Variants in A2ML1 observed in about 807,000 individuals in gnomAD.
The protein encoded by A2ML1 is alpha-2-macroglobulin like 1, also known as alpha-2-macroglobulin-like protein 1.
A neutral mutation model predicts 181.9 loss-of-function variants in A2ML1; 161 were observed. The observed-to-expected ratio is 0.89, with a 90% confidence interval of 0.78 to 1.01. The LOEUF (loss-of-function observed/expected upper bound fraction) is 1.01, where lower values mean the gene tolerates loss of function less well. A2ML1 is among the 50% of genes least tolerant of loss of function. The pLI, the probability that A2ML1 is intolerant of heterozygous loss-of-function variation, is 0.00. For synonymous variants in A2ML1, 663 were observed against 666.8 expected (o/e 0.99, Z 0.09); for missense variants, 1,670 against 1,768.1 (o/e 0.94, Z 1.00).
rs1943841149 is a variant in A2ML1, at chr12:8,850,192, T to C, written c.2152T>C (p.Ser718Pro). Residue 718 changes from serine (S) to proline (P), a missense_variant, in exon 18 of 36, where the codon TCA (serine) becomes CCA (proline). Ser to Pro is a moderately conservative substitution (Grantham distance 74). Transcript: ENST00000299698. ...GGGHPEAFES[S>P]TPLHQAEDSQ... is the part of the protein sequence containing the mutation. ...TGGTCATCCAGAGGCTTTTGAGTCATCAACTCCTTTACATCAAGCAGAGGA... is the reference window on the plus strand; with the variant it reads ...TGGTCATCCAGAGGCTTTTGAGTCACCAACTCCTTTACATCAAGCAGAGGA... 2.5e-6 allele frequency: 4 copies of C among 1,612,924 alleles called. No homozygotes were observed. The highest frequency in any genetic ancestry group is 3.4e-6 in the Non-Finnish European group (4 of 1,179,652).
intron 30 of A2ML1, 45 bp from the exon 31 acceptor site, chr12:8,868,185 A>G (rs1331180150): frequency 1.2e-6 from 2 of 1,612,270 alleles, no homozygotes; most frequent in Admixed American, 3.4e-5. Flanking sequence ...ACAATCTTTA[A>G]AGTTCTTTCC....
At chr12:8,873,250 T>C (rs984541278) in intron 33 of A2ML1, among the ~76,000 whole-genome samples, 1 of 151,906 alleles carries the variant, frequency 6.6e-6, no homozygotes, top group Non-Finnish European at 1.5e-5. Flanking sequence ...CGATTTTTTT[T>C]TTTTTTTGAG....
Position 8,857,199 on chromosome 12 carries a change from G to T in A2ML1, c.2884G>T (p.Gly962Cys), listed in dbSNP as rs1302126744. Residue 962 changes from glycine to cysteine, a missense_variant, in exon 24 of 36, where the codon GGT (glycine) becomes TGT (cysteine). Gly to Cys is a radical substitution (Grantham distance 159). Coordinates refer to ENST00000299698, the MANE Select transcript of A2ML1 (RefSeq NM_144670.6). ...GGGCACAGCCCTGCAGAACCTGGAT[G>T]GTCTGGTGCAGATGCCCAGTGGCTG... ...IMGTALQNLD[G>C]LVQMPSGCGE... is the part of the protein sequence containing the mutation. 2.5e-6 allele frequency: 4 copies of T among 1,612,632 alleles called. No homozygotes were observed. Among genetic ancestry groups the T allele is most frequent in the Admixed American group, 3.3e-5 (2 of 59,988 alleles).
rs756640163 is a variant in A2ML1 at position 8,823,208 on chromosome 12, G to A, written c.89G>A (p.Arg30Gln). ...AACTACCTGGTGACATTACCAGCCCGGCTAAATTTCCCCTCCGTTCAGAAG... is the reference window on the plus strand; with the variant it reads ...AACTACCTGGTGACATTACCAGCCCAGCTAAATTTCCCCTCCGTTCAGAAG... The part of the protein sequence containing the change: ...LPNYLVTLPA[R>Q]LNFPSVQKVC... The change falls in exon 2 of 36, where the codon CGG becomes CAG. Residue 30 changes from arginine to glutamine, a missense_variant. Arg to Gln is a conservative substitution (Grantham distance 43, BLOSUM62 1). Transcript: ENST00000299698. 3.9e-5 allele frequency: 63 copies of A among 1,613,712 alleles called. No homozygotes were observed. Among genetic ancestry groups the A allele is most frequent in the African/African-American group, 5.3e-5 (4 of 74,886 alleles).
At chr12:8,858,661 T>G (rs1944155721) in intron 26 of A2ML1, among the ~76,000 whole-genome samples, 1 of 152,122 alleles carries the variant, frequency 6.6e-6, no homozygotes, top group African/African-American at 2.4e-5. Context: ...TGGCATCACA[T>G]GGGAACTTGT....
intron 3 of A2ML1, among the ~76,000 whole-genome samples, chr12:8,824,234 T>G (rs1207052090): frequency 1.4e-5 from 2 of 147,976 alleles, no homozygotes; most frequent in African/African-American, 5.0e-5. Flanking sequence ...TTTTTTTTTT[T>G]TTTTTTTTTT....
At position 8,838,272 on chromosome 12, in the gene A2ML1, A is replaced by G. The variant is rs1943352214; in HGVS notation, c.856-64A>G. 3 of 1,140,042 alleles carry G rather than the reference A, an allele frequency of 2.6e-6. No individual in the cohort carries two copies. In the East Asian group the frequency reaches 7.2e-5, roughly 27 times the overall value. The allele number at this position is 1,140,042 out of a possible 1,614,324, so 70.6% of individuals were successfully genotyped here. On this transcript the variant is annotated intron_variant, in intron 8 of 35. Coordinates refer to ENST00000299698, the MANE Select transcript of A2ML1 (RefSeq NM_144670.6). Reference sequence around the variant, plus strand: ...ATTATTTCCTTCTACAGAACATTATAAAATGGATGTAGAGATTAGATTCCT... The same window carrying G: ...ATTATTTCCTTCTACAGAACATTATGAAATGGATGTAGAGATTAGATTCCT...
chr12:8,836,481 CTTTTTTT>C, intron 7 of A2ML1, 142 bp downstream of exon 7: 7 of 389,884 alleles, frequency 1.8e-5, no homozygotes, highest in Admixed American at 4.5e-5. Context: ...TATCCAAGAC[CTTTTTTT>C]TTTTTTTTTT....
At chr12:8,869,875 CAT>C (rs1944561151) in intron 33 of A2ML1, among the ~76,000 whole-genome samples, 3 of 152,278 alleles carry the variant, frequency 2.0e-5, no homozygotes, top group Middle Eastern at 6.8e-3. Flanking sequence ...TTATTTAAGA[CAT>C]GTAAAAATAT....
chr12:8,881,590 A>G (rs764313007), downstream of A2ML1, among the ~76,000 whole-genome samples: 2 of 152,298 alleles, frequency 1.3e-5, no homozygotes, highest in South Asian at 4.1e-4. Flanking sequence ...TCCAGCACAA[A>G]ATCCTACTTA....
At chr12:8,827,022 G>T (rs1942951928) in intron 3 of A2ML1, among the ~76,000 whole-genome samples, 1 of 152,116 alleles carries the variant, frequency 6.6e-6, no homozygotes, top group Admixed American at 6.5e-5. Context: ...TCTGCTTGGT[G>T]TTCTATAATC....
At chr12:8,859,249 A>G (rs1470628127) in intron 26 of A2ML1, among the ~76,000 whole-genome samples, 1 of 152,070 alleles carries the variant, frequency 6.6e-6, no homozygotes, top group Non-Finnish European at 1.5e-5. Context: ...TAGAGAGATC[A>G]CTTACATTGC....
chr12:8,863,917 G>A lies in A2ML1; in HGVS notation c.3626G>A (p.Ser1209Asn). The stretch of plus-strand genomic sequence containing the variant: ...TTGTTGGCCCAGCTTACCAAGCCCA[G>A]CCTGACTCAAAAGGAGATAGCGAAG... ...YALLAQLTKPSLTQKEIAKAT... is the reference protein window; with the variant it reads ...YALLAQLTKPNLTQKEIAKAT... Residue 1209 changes from serine to asparagine, a missense_variant, in exon 29 of 36, where the codon AGC becomes AAC. Physicochemically the swap from Ser to Asn is conservative, Grantham distance 46. Transcript: ENST00000299698. 6.2e-7 allele frequency: 1 copy of A among 1,614,184 alleles called. No homozygotes were observed. Among genetic ancestry groups the A allele is most frequent in the Non-Finnish European group, 8.5e-7 (1 of 1,180,038 alleles).
chr12:8,861,040 C>T (rs1480239523), intron 27 of A2ML1, 85 bp downstream of exon 27: 17 of 1,606,226 alleles, frequency 1.1e-5, no homozygotes, highest in Non-Finnish European at 1.4e-5. Context: ...CTCTAGTCAC[C>T]CTTTTAAGGT....
chr12:8,823,776 T>C lies in A2ML1; in HGVS notation c.303T>C (p.Val101=). The part of the protein sequence containing the change: ...EEVATIRVSG[V]GNNISFEEKK... ...TGGCCACAATCCGGGTGTCGGGAGT[T>C]GGAAATAACATCAGCTTTGAGGAGA... Residue 101 remains valine (V), a synonymous_variant, in exon 3 of 36, where the codon GTT becomes GTC. Coordinates refer to ENST00000299698, the MANE Select transcript of A2ML1 (RefSeq NM_144670.6). 6.2e-7 allele frequency: 1 copy of C among 1,614,054 alleles called. No individual in the cohort carries two copies. The highest frequency in any genetic ancestry group is 8.5e-7 in the Non-Finnish European group (1 of 1,180,008).
chr12:8,849,789 C>T (rs771318623), intron 17 of A2ML1, 30 bp downstream of exon 17: 1 of 1,598,254 alleles, frequency 6.3e-7, no homozygotes, highest in East Asian at 2.2e-5. Flanking sequence ...TGTGGATTCT[C>T]TGAGATGTTA....
chr12:8,864,176 A>G (rs375870343), intron 29 of A2ML1, among the ~76,000 whole-genome samples, 168 bp downstream of exon 29: 1 of 146,758 alleles, frequency 6.8e-6, no homozygotes, highest in East Asian at 2.0e-4. Flanking sequence ...GAGCACATTA[A>G]TAGTACCAGA....
chr12:8,856,460 C>T (rs1944065189), intron 23 of A2ML1, among the ~76,000 whole-genome samples: 1 of 152,172 alleles, frequency 6.6e-6, no homozygotes, highest in South Asian at 2.1e-4. Flanking sequence ...AGCTTGTTGG[C>T]TACAATGCAG....
exon 8 of A2ML1, chr12:8,886,996 ATAAAC>A (rs1033288810): frequency 1.1e-4 from 17 of 151,982 alleles, no homozygotes; most frequent in Admixed American, 3.9e-4. Context: ...ATATAAATAA[ATAAAC>A]AAAAAAATTT....
Sources: allele counts gnomAD v4.1 joint callset (sites outside exome capture counted in the v4.1 genomes callset), GRCh38; gene constraint gnomAD v4.1.1; transcripts MANE v1.5; gene names NCBI Gene and HGNC (gene_info 2026-07-23, HGNC 2026-07-21).